Variants in POLD3 observed in about 807,000 individuals in gnomAD.
The protein encoded by POLD3 is DNA polymerase delta subunit 3.
POLD3 carries 19 observed loss-of-function variants against 58.2 expected under a neutral mutation model. The ratio of observed to expected loss-of-function variants is 0.33; its 90% CI spans 0.23 to 0.48. POLD3 has a LOEUF of 0.48. Ranked by LOEUF, POLD3 falls within the 20% of genes least tolerant of loss-of-function variation. The pLI is 0.99. For synonymous variants in POLD3, 172 were observed against 193.5 expected (o/e 0.89, Z 0.92); for missense variants, 504 against 545.5 (o/e 0.92, Z 0.76).
intron 4 of POLD3, among the ~76,000 whole-genome samples, chr11:74,656,567 A>T (rs1164894434): frequency 6.6e-6 from 1 of 150,782 alleles, no homozygotes; most frequent in Non-Finnish European, 1.5e-5. Context: ...AGCCTGGACG[A>T]CAGAATGAGA....
At chr11:74,660,459 T>C (rs1019134968) in intron 4 of POLD3, among the ~76,000 whole-genome samples, 1 of 152,234 alleles carries the variant, frequency 6.6e-6, no homozygotes, top group African/African-American at 2.4e-5. Context: ...CTTTTGAGCC[T>C]GTTGTCTAGA....
intron 10 of POLD3, 82 bp downstream of exon 10, chr11:74,634,777 C>G: frequency 1.2e-6 from 1 of 807,124 alleles, no homozygotes. Flanking sequence ...AATTAGTTCC[C>G]TTGCTGTATA....
At chr11:74,644,936 C>G (rs1169676685), downstream of POLD3, among the ~76,000 whole-genome samples, 2 of 152,150 alleles carry the variant, frequency 1.3e-5, no homozygotes, top group African/African-American at 4.8e-5. Flanking sequence ...TGTTTAGTGT[C>G]TGTTTGGGAT....
downstream of POLD3, among the ~76,000 whole-genome samples, chr11:74,647,560 A>G (rs148265378): frequency 5.3e-5 from 8 of 152,270 alleles, no homozygotes; most frequent in Non-Finnish European, 1.2e-4. Flanking sequence ...CCCACAGTAT[A>G]GCAACCCCTA....
chr11:74,602,378 A>ACCTGCTTTT (rs950371368), intron 2 of POLD3, among the ~76,000 whole-genome samples: 1 of 151,942 alleles, frequency 6.6e-6, no homozygotes, highest in Non-Finnish European at 1.5e-5. Flanking sequence ...TCCCCTCAAC[A>ACCTGCTTTT]CCTGCTTTTC....
At chr11:74,609,363 TA>T (rs1565115235) in intron 3 of POLD3, among the ~76,000 whole-genome samples, 1 of 27,048 alleles carries the variant, frequency 3.7e-5, no homozygotes, top group African/African-American at 3.7e-4. Context: ...TATATATATA[TA>T]TATATATATT....
chr11:74,592,788 C>G (rs2031078789), intron 1 of POLD3, 70 bp downstream of exon 1: 12 of 1,593,486 alleles, frequency 7.5e-6, no homozygotes, highest in Non-Finnish European at 1.0e-5. Flanking sequence ...CGGCGGGAGC[C>G]TTGACCCTCT....
intron 4 of POLD3, among the ~76,000 whole-genome samples, 192 bp downstream of exon 4, chr11:74,611,730 G>A (rs903256971): frequency 3.3e-5 from 5 of 152,232 alleles, no homozygotes; most frequent in African/African-American, 1.2e-4. Context: ...CATTTTTAGG[G>A]CCAATAGTTG....
chr11:74,606,665 T>A (rs969568872), intron 3 of POLD3, among the ~76,000 whole-genome samples: 80 of 152,300 alleles, frequency 5.3e-4, no homozygotes, highest in Non-Finnish European at 7.4e-5. Context: ...TAATTTAGGA[T>A]TCTTAGATGG....
downstream of POLD3, among the ~76,000 whole-genome samples, chr11:74,647,411 A>G (rs1250357453): frequency 7.7e-5 from 3 of 38,726 alleles, no homozygotes; most frequent in African/African-American, 1.1e-3. Context: ...ATAACCTGCA[A>G]GGTCTCTCCC....
chr11:74,621,151 C>T (rs769675178), intron 7 of POLD3, among the ~76,000 whole-genome samples: 6 of 152,158 alleles, frequency 3.9e-5, no homozygotes, highest in East Asian at 1.9e-4. Context: ...GTCTCCAACC[C>T]ACAGTCCACT....
At chr11:74,630,434 A>T (rs150854943) in intron 9 of POLD3, among the ~76,000 whole-genome samples, 4,103 of 152,320 alleles carry the variant, frequency 0.027, 77 homozygotes, top group Non-Finnish European at 0.039. Context: ...AGCATCTTTG[A>T]CACTTCTGTG....
intron 2 of POLD3, among the ~76,000 whole-genome samples, chr11:74,603,657 C>T (rs2135123625): frequency 6.6e-6 from 1 of 152,212 alleles, no homozygotes; most frequent in South Asian, 2.1e-4. Flanking sequence ...AGAGAAGTCT[C>T]TTCAGAAAGT....
chr11:74,645,789 C>T (rs138227634), downstream of POLD3, among the ~76,000 whole-genome samples: 34 of 152,222 alleles, frequency 2.2e-4, no homozygotes, highest in African/African-American at 7.0e-4. Flanking sequence ...GAGAAAACTG[C>T]GGCAAAGGGG....
chr11:74,626,293 C>A (rs57668214), intron 8 of POLD3, among the ~76,000 whole-genome samples: 1 of 152,208 alleles, frequency 6.6e-6, no homozygotes, highest in Non-Finnish European at 1.5e-5. Context: ...TGTCCACAAC[C>A]ATGGGTACGT....
chr11:74,623,691 C>T (rs2032337210), intron 7 of POLD3, among the ~76,000 whole-genome samples: 2 of 152,090 alleles, frequency 1.3e-5, no homozygotes, highest in Non-Finnish European at 2.9e-5. Flanking sequence ...ATTTAAAGGT[C>T]ATAATTGGTT....
rs569720240 is a variant in POLD3, at chr11:74,613,781, G to A, written c.392+771G>A. Among the ~76,000 whole-genome samples, 202 of 152,254 alleles carry A rather than the reference G, an allele frequency of 1.3e-3. 2 individuals carry two copies. Among genetic ancestry groups the A allele is most frequent in the South Asian group, 2.3e-3 (11 of 4,828 alleles). ...TACAGTATAGAGTGAATGTGCCCGC[G>A]TACCTTTTCATGTAACTGATGGGAG... is the stretch of plus-strand genomic sequence containing the variant. On this transcript the variant is annotated intron_variant, in intron 5 of 11. Transcript: ENST00000263681.
chr11:74,649,881 A>G (rs2033046727), intron 4 of POLD3, among the ~76,000 whole-genome samples: 1 of 152,140 alleles, frequency 6.6e-6, no homozygotes. Context: ...TACATTTTGG[A>G]AAGTACTCTG....
At chr11:74,609,414 C>G (rs2031829489) in intron 3 of POLD3, among the ~76,000 whole-genome samples, 2 of 2,438 alleles carry the variant, frequency 8.2e-4, no homozygotes, top group Non-Finnish European at 1.2e-3. Context: ...GGACTTTTGC[C>G]TGTTGGCCAA....
Sources: gnomAD v4.1 joint callset for allele counts (sites outside exome capture counted in the v4.1 genomes callset) on GRCh38, gnomAD v4.1.1 for gene constraint, MANE v1.5 for transcripts, NCBI Gene and HGNC (gene_info 2026-07-23, HGNC 2026-07-21) for gene names.